The following AOPEP variants were observed in gnomAD, a reference collection of about 807,000 sequenced individuals.
AOPEP encodes aminopeptidase O.
Under a neutral mutation model 98.1 loss-of-function variants are expected in AOPEP, and 77 were observed. That is an observed-to-expected ratio of 0.78 (90% CI 0.65 to 0.95). The LOEUF (loss-of-function observed/expected upper bound fraction) is 0.95, where lower values mean the gene tolerates loss of function less well. AOPEP is among the 40% of genes least tolerant of loss of function. AOPEP has a pLI of 0.00. For synonymous variants in AOPEP, 346 were observed against 365.3 expected (o/e 0.95, Z 0.60); for missense variants, 1,024 against 1,024.7 (o/e 1.00, Z 0.01).
chr9:95,127,686 T>C, the AOPEP span, among the ~76,000 whole-genome samples: 2 of 152,328 alleles, frequency 1.3e-5, no homozygotes, highest in Non-Finnish European at 2.9e-5. Context: ...TGACTAGCTT[T>C]GGGAAACACT....
At chr9:94,884,332 C>T (rs1766447320) in intron 5 of AOPEP, among the ~76,000 whole-genome samples, 1 of 152,150 alleles carries the variant, frequency 6.6e-6, no homozygotes, top group Non-Finnish European at 1.5e-5. Flanking sequence ...AGCTATTCTA[C>T]CAGCTAAGGA....
At chr9:94,778,675 G>T (rs1016692311) in intron 3 of AOPEP, among the ~76,000 whole-genome samples, 2 of 152,086 alleles carry the variant, frequency 1.3e-5, no homozygotes, top group African/African-American at 4.8e-5. Context: ...TGTTCATGGG[G>T]GTAATGATTA....
At chr9:94,940,711 G>A (rs1435384678) in intron 7 of AOPEP, among the ~76,000 whole-genome samples, 1 of 152,228 alleles carries the variant, frequency 6.6e-6, no homozygotes, top group Non-Finnish European at 1.5e-5. Flanking sequence ...TCTGGCACTT[G>A]GAAAAGGTTT....
At chr9:94,844,821 G>A (rs933437064) in intron 5 of AOPEP, among the ~76,000 whole-genome samples, 2 of 152,148 alleles carry the variant, frequency 1.3e-5, no homozygotes, top group African/African-American at 2.4e-5. Flanking sequence ...GGAGCAGGCC[G>A]GATGTGGGCT....
intron 10 of AOPEP, among the ~76,000 whole-genome samples, chr9:94,977,952 A>G (rs917854212): frequency 1.6e-4 from 25 of 152,192 alleles, no homozygotes; most frequent in Non-Finnish European, 3.4e-4. Flanking sequence ...CTTTTTAAGC[A>G]GCCTTTCATT....
chr9:95,023,767 G>A (rs1304744210), intron 13 of AOPEP, among the ~76,000 whole-genome samples: 3 of 152,156 alleles, frequency 2.0e-5, no homozygotes, highest in East Asian at 1.9e-4. Context: ...GCTCTGGATC[G>A]TTAATAAGTT....
In AOPEP at chr9:94,982,617, G is replaced by A. The variant is rs1204823654; in HGVS notation, c.1977+3190G>A. ...AGGGTCTCACTGTGTCACCCAGGCT[G>A]GAGTGCAGTGGTATGATCATGGCTC... On this transcript the variant is annotated intron_variant, in intron 11 of 16. Coordinates refer to ENST00000375315, the MANE Select transcript of AOPEP (RefSeq NM_001193329.3). Among the ~76,000 whole-genome samples the A allele has an allele frequency of 3.5e-5, 5 of 144,544 alleles. No homozygotes were observed. The Admixed American group carries it at 3.5e-4, about 10-fold the overall frequency. The allele number at this position is 144,544 out of a possible 152,430, so 94.8% of individuals were successfully genotyped here.
the AOPEP span, among the ~76,000 whole-genome samples, chr9:95,115,868 A>G: frequency 1.3e-5 from 2 of 152,220 alleles, no homozygotes; most frequent in African/African-American, 2.4e-5. Context: ...CAGGGCTCGT[A>G]AGTGATCCTC....
At chr9:94,983,917 T>G (rs1011898172) in intron 11 of AOPEP, among the ~76,000 whole-genome samples, 2 of 148,612 alleles carry the variant, frequency 1.3e-5, no homozygotes, top group Middle Eastern at 3.3e-3. Flanking sequence ...GTTGTGGTGC[T>G]TATCTCTTTT....
At chr9:94,831,531 A>G (rs1855955032) in intron 5 of AOPEP, among the ~76,000 whole-genome samples, 1 of 152,164 alleles carries the variant, frequency 6.6e-6, no homozygotes, top group Admixed American at 6.6e-5. Flanking sequence ...TGTCTTGGCT[A>G]TATAGGCTCT....
At chr9:95,119,248 G>A in the AOPEP span, among the ~76,000 whole-genome samples, 3 of 152,096 alleles carry the variant, frequency 2.0e-5, no homozygotes, top group Non-Finnish European at 4.4e-5. Context: ...TGGTTTCTTA[G>A]GCAGTTATAA....
chr9:94,853,390 G>A (rs545857512), intron 5 of AOPEP, among the ~76,000 whole-genome samples: 11 of 152,208 alleles, frequency 7.2e-5, no homozygotes, highest in African/African-American at 2.6e-4. Context: ...AACCTGGGAA[G>A]TGGAGGTTGC....
chr9:94,885,974 C>T lies in AOPEP; in HGVS notation c.1365-38012C>T, dbSNP rs7041369. On this transcript the variant is annotated intron_variant, in intron 5 of 16. Transcript: ENST00000375315. Reference sequence around the variant, plus strand: ...GATCGCAGAGTTCTCTGTTCAGTAACGAACAACTGACCCACCATTGTAAAA... The same window carrying T: ...GATCGCAGAGTTCTCTGTTCAGTAATGAACAACTGACCCACCATTGTAAAA... Among the ~76,000 whole-genome samples, 1,425 of 152,154 alleles carry T rather than the reference C, an allele frequency of 9.4e-3. 29 individuals carry two copies. The highest frequency in any genetic ancestry group is 0.032 in the African/African-American group (1,335 of 41,458).
intron 1 of AOPEP, among the ~76,000 whole-genome samples, chr9:94,756,070 T>G (rs1588065382): frequency 6.6e-6 from 1 of 151,314 alleles, no homozygotes; most frequent in African/African-American, 2.4e-5. Context: ...CCATCCTGGC[T>G]AACATGGTGA....
intron 13 of AOPEP, among the ~76,000 whole-genome samples, chr9:95,034,334 G>A (rs2064585303): frequency 6.6e-6 from 1 of 152,166 alleles, no homozygotes; most frequent in African/African-American, 2.4e-5. Flanking sequence ...CCATTAAGAC[G>A]TGTTTTCTCC....
At chr9:94,783,926 G>A (rs1221467098) in intron 3 of AOPEP, among the ~76,000 whole-genome samples, 3 of 152,242 alleles carry the variant, frequency 2.0e-5, no homozygotes, top group South Asian at 2.1e-4. Flanking sequence ...AAAGTAGCAG[G>A]GGCTACTGAA....
chr9:94,931,436 G>A (rs1400740414), intron 7 of AOPEP, among the ~76,000 whole-genome samples: 1 of 152,146 alleles, frequency 6.6e-6, no homozygotes, highest in Non-Finnish European at 1.5e-5. Context: ...AGGAGGAAAT[G>A]TTTCCGAACC....
intron 5 of AOPEP, among the ~76,000 whole-genome samples, chr9:94,850,346 C>G (rs1358134824): frequency 6.6e-6 from 1 of 152,176 alleles, no homozygotes; most frequent in African/African-American, 2.4e-5. Flanking sequence ...GAAAACCTGT[C>G]TTACCCACAG....
rs150094940 is a variant in AOPEP at position 94,859,027 on chromosome 9, C to CAAAAAAAAAAAA, written c.1364+58034_1364+58035insAAAAAAAAAAAA. On this transcript the variant is annotated intron_variant, in intron 5 of 16. Coordinates refer to ENST00000375315, the MANE Select transcript of AOPEP (RefSeq NM_001193329.3). ...TGGGCGACAGAGCGAGACTCCATTT[C>CAAAAAAAAAAAA]AAAAAAAAAGAAGACCTGGAAGTGG... Among the ~76,000 whole-genome samples, 22 of 132,802 alleles carry CAAAAAAAAAAAA rather than the reference C, an allele frequency of 1.7e-4. 1 individual carries two copies. The highest frequency in any genetic ancestry group is 3.9e-3 in the Middle Eastern group (1 of 256). The allele number at this position is 132,802 out of a possible 152,430, so 87.1% of individuals were successfully genotyped here.
Sources: gnomAD v4.1 joint callset for allele counts (sites outside exome capture counted in the v4.1 genomes callset) on GRCh38, gnomAD v4.1.1 for gene constraint, MANE v1.5 for transcripts, NCBI Gene and HGNC (gene_info 2026-07-23, HGNC 2026-07-21) for gene names.